Variants in SYNE2 observed in about 807,000 individuals in gnomAD.
The protein encoded by SYNE2 is nesprin-2.
SYNE2 carries 431 observed loss-of-function variants against 856.3 expected under a neutral mutation model. That is an observed-to-expected ratio of 0.50 (90% CI 0.47 to 0.55). The LOEUF (loss-of-function observed/expected upper bound fraction) is 0.55, where lower values mean the gene tolerates loss of function less well. Ranked by LOEUF, SYNE2 falls within the 20% of genes least tolerant of loss-of-function variation. SYNE2 has a pLI of 0.00. For missense variants in SYNE2, 8,129 were observed against 8,023.2 expected, an observed-to-expected ratio of 1.01 and a Z score of -0.50; for synonymous variants, 2,923 against 2,872.3, an observed-to-expected ratio of 1.02 and a Z score of -0.56.
Position 64,036,758 on chromosome 14 carries a change from G to T in SYNE2, c.7221+5401G>T, listed in dbSNP as rs531910138. Among the ~76,000 whole-genome samples, 21 of 152,230 alleles carry T rather than the reference G, an allele frequency of 1.4e-4. No homozygotes were observed. In the East Asian group the frequency reaches 1.7e-3, roughly 13 times the overall value. ...CAAATATACTATTAATATTGGAAAT[G>T]GAAGACTAAATAAAATTCTTATTCT... On this transcript the variant is annotated intron_variant, in intron 45 of 115. Coordinates refer to ENST00000555002, the MANE Select transcript of SYNE2 (RefSeq NM_182914.3).
chr14:64,080,757 C>A, intron 56 of SYNE2, 119 bp downstream of exon 56: 1 of 1,281,936 alleles, frequency 7.8e-7, no homozygotes, highest in Non-Finnish European at 1.1e-6. Context: ...GGACTTGAAG[C>A]TGGGGCCATG....
chr14:64,204,845 A>G (rs1161989155), intron 100 of SYNE2, among the ~76,000 whole-genome samples: 4 of 152,236 alleles, frequency 2.6e-5, no homozygotes, highest in Admixed American at 6.5e-5. Context: ...GAGATCTGAA[A>G]TGGATCTCAC....
rs553107178 is a variant in SYNE2, at chr14:63,872,842, A to C, written c.-52+19699A>C. 2.0e-5 allele frequency among the ~76,000 whole-genome samples: 3 copies of C among 150,926 alleles called. No homozygotes were observed. In the South Asian group the frequency reaches 6.3e-4, roughly 32 times the overall value. On this transcript the variant is annotated intron_variant, in intron 1 of 115. Transcript: ENST00000555002. ...GTTGCACATTCTTCTGCAAGTTGCT[A>C]TCTTTCCTCTCAACTGTGAGATTCA... is the stretch of plus-strand genomic sequence containing the variant.
intron 1 of SYNE2, among the ~76,000 whole-genome samples, chr14:63,871,989 A>G (rs1896954060): frequency 6.6e-6 from 1 of 152,086 alleles, no homozygotes; most frequent in South Asian, 2.1e-4. Context: ...GGTATTTATC[A>G]TGCTTATGTG....
In SYNE2 at chr14:64,163,558, C is replaced by T. The variant is rs1249625620; in HGVS notation, c.16456C>T (p.Leu5486Phe). 9.9e-6 allele frequency: 16 copies of T among 1,614,140 alleles called. No homozygotes were observed. The highest frequency in any genetic ancestry group is 1.1e-5 in the Non-Finnish European group (13 of 1,180,040). Residue 5486 changes from leucine (L) to phenylalanine (F), a missense_variant, in exon 89 of 116, where the codon CTT becomes TTT. Transcript: ENST00000555002. ...GGCTGCTTATTTGGAAAAGATGCTG[C>T]TTGTGAAAGCAAATGAATTTGAGGT... ...QRAAYLEKML[L>F]VKANEFEFVL...
At chr14:64,158,020 T>TC (rs1167277392) in intron 85 of SYNE2, among the ~76,000 whole-genome samples, 1 of 152,234 alleles carries the variant, frequency 6.6e-6, no homozygotes, top group African/African-American at 2.4e-5. Context: ...TGGACTTTTT[T>TC]CATCATTATC....
intron 22 of SYNE2, 141 bp from the exon 23 acceptor site, chr14:63,994,903 C>T (rs1166139204): frequency 1.9e-6 from 1 of 530,374 alleles, no homozygotes; most frequent in Non-Finnish European, 3.2e-6. Flanking sequence ...CATCTCCCCC[C>T]AAAATACATG....
chr14:64,132,645 G>A (rs142397352), intron 77 of SYNE2, among the ~76,000 whole-genome samples: 9 of 152,302 alleles, frequency 5.9e-5, no homozygotes, highest in African/African-American at 1.9e-4. Flanking sequence ...GATTGGGGAT[G>A]GTACTGCGTC....
chr14:64,104,995 A>G (rs1330347880), intron 64 of SYNE2, among the ~76,000 whole-genome samples: 3 of 151,900 alleles, frequency 2.0e-5, no homozygotes, highest in Admixed American at 6.6e-5. Flanking sequence ...TGGTGCCACT[A>G]TTTTCTCAGA....
At chr14:64,209,680 C>T (rs140559865) in intron 102 of SYNE2, 102 bp downstream of exon 102, 1 of 1,530,022 alleles carries the variant, frequency 6.5e-7, no homozygotes, top group African/African-American at 1.4e-5. Flanking sequence ...TTCCCCTCAC[C>T]TCTGGCAAGG....
At chr14:63,985,813 A>T (rs899648801) in intron 18 of SYNE2, among the ~76,000 whole-genome samples, 1 of 152,206 alleles carries the variant, frequency 6.6e-6, no homozygotes, top group Non-Finnish European at 1.5e-5. Flanking sequence ...GTTCAAGATC[A>T]GCCTGGGCAA....
chr14:63,952,175 T>G (rs925238075), intron 7 of SYNE2, among the ~76,000 whole-genome samples: 17 of 152,174 alleles, frequency 1.1e-4, no homozygotes, highest in African/African-American at 4.1e-4. Context: ...GGAGCCTAAT[T>G]CCACCCTCTA....
chr14:64,145,025 C>A (rs2098170338), intron 83 of SYNE2, among the ~76,000 whole-genome samples: 1 of 148,446 alleles, frequency 6.7e-6, no homozygotes, highest in African/African-American at 2.5e-5. Flanking sequence ...CTCCCAGATT[C>A]ATGCAATTCT....
At chr14:64,084,259 C>T (rs2097543975) in intron 57 of SYNE2, 1 of 152,160 alleles carries the variant, frequency 6.6e-6, no homozygotes, top group Non-Finnish European at 1.5e-5. Flanking sequence ...GTATAATTTA[C>T]ATACAGTAAA....
intron 85 of SYNE2, among the ~76,000 whole-genome samples, chr14:64,154,654 T>A (rs1232459110): frequency 6.6e-6 from 1 of 151,358 alleles, no homozygotes; most frequent in Non-Finnish European, 1.5e-5. Context: ...ATTAGCTGGG[T>A]GTGGTGGTGT....
At chr14:64,114,278 C>T (rs995582510) in intron 66 of SYNE2, among the ~76,000 whole-genome samples, 1 of 152,128 alleles carries the variant, frequency 6.6e-6, no homozygotes, top group Non-Finnish European at 1.5e-5. Context: ...AGAATGATGA[C>T]ATTGCAACAG....
chr14:64,025,780 G>A (rs918217255), intron 41 of SYNE2, among the ~76,000 whole-genome samples: 69 of 152,280 alleles, frequency 4.5e-4, no homozygotes, highest in African/African-American at 1.4e-3. Flanking sequence ...CAGCAATGTC[G>A]AGGCAGGGGA....
chr14:63,777,593 T>A (rs1368071170), intron 1 of SYNE2, among the ~76,000 whole-genome samples: 1 of 152,182 alleles, frequency 6.6e-6, no homozygotes, highest in Non-Finnish European at 1.5e-5. Context: ...AAGATAATTA[T>A]TATAATTTAA....
chr14:63,867,400 A>G (rs1373518819), intron 1 of SYNE2, among the ~76,000 whole-genome samples: 70 of 113,722 alleles, frequency 6.2e-4, no homozygotes, highest in African/African-American at 2.3e-3. Context: ...AAAAAAAAAG[A>G]GAGAGAGAGA....
Sources: gnomAD v4.1 joint callset for allele counts (sites outside exome capture counted in the v4.1 genomes callset) on GRCh38, gnomAD v4.1.1 for gene constraint, MANE v1.5 for transcripts, NCBI Gene and HGNC (gene_info 2026-07-23, HGNC 2026-07-21) for gene names.